PLEKHA7: variants seen among roughly 807,000 people sequenced by gnomAD.
The protein encoded by PLEKHA7 is pleckstrin homology domain containing A7.
PLEKHA7 carries 104 observed loss-of-function variants against 170.0 expected under a neutral mutation model. That is an observed-to-expected ratio of 0.61 (90% confidence interval 0.52 to 0.72). The LOEUF is 0.72. Ranked by LOEUF, PLEKHA7 falls within the 30% of genes least tolerant of loss-of-function variation. PLEKHA7 has a pLI of 0.00. For synonymous variants in PLEKHA7, 648 were observed against 660.8 expected (o/e 0.98, Z 0.30); for missense variants, 1,615 against 1,671.7 (o/e 0.97, Z 0.59).
chr11:16,883,732 G>C (rs1855874677), intron 3 of PLEKHA7, among the ~76,000 whole-genome samples: 1 of 152,038 alleles, frequency 6.6e-6, no homozygotes, highest in African/African-American at 2.4e-5. Flanking sequence ...TAGCACTGAA[G>C]GCTTACACTC....
chr11:16,942,202 G>T (rs1860743604), intron 3 of PLEKHA7, among the ~76,000 whole-genome samples: 1 of 152,214 alleles, frequency 6.6e-6, no homozygotes, highest in Non-Finnish European at 1.5e-5. Flanking sequence ...AACTTGGGGG[G>T]TCAGATTTTG....
At position 16,801,787 on chromosome 11, in the gene PLEKHA7, G is replaced by C. The variant is rs1430110135; in HGVS notation, c.2188C>G (p.His730Asp). 1 of 1,614,120 alleles carries C rather than the reference G, an allele frequency of 6.2e-7. No individual in the cohort carries two copies. Among genetic ancestry groups the C allele is most frequent in the Non-Finnish European group, 8.5e-7 (1 of 1,180,026 alleles). ...DQLESVLEVL[H>D]RQMEQYRDQP... ...TCTCGGTACTGCTCCATCTGTCTGT[G>C]CAACACCTCCAGCACAGATTCTAGC... Residue 730 changes from histidine to aspartate, a missense_variant, in exon 16 of 27, where the codon CAC becomes GAC. By Grantham distance (81) the His-to-Asp change is moderately conservative. Transcript: ENST00000531066.
In PLEKHA7 at chr11:16,881,635, G is replaced by A. The variant is rs571200234; in HGVS notation, c.222-10453C>T. 52 of 152,296 alleles carry A rather than the reference G, an allele frequency of 3.4e-4. 1 individual carries two copies. The highest frequency in any genetic ancestry group is 1.2e-3 in the African/African-American group (51 of 41,522). 9.4% of individuals were successfully genotyped at this position (152,296 alleles called of 1,614,324 possible). A position where few individuals can be genotyped will look rare whatever the true frequency, so the allele number is the denominator to read the frequency against. Reference sequence around the variant, plus strand: ...AATTCTTCCGTTCTTTGAGACCGTGGGGTTGGCTGCCCCTCTAGAACCAGG... The same window carrying A: ...AATTCTTCCGTTCTTTGAGACCGTGAGGTTGGCTGCCCCTCTAGAACCAGG... On this transcript the variant is annotated intron_variant, in intron 3 of 26. Coordinates refer to ENST00000531066, the MANE Select transcript of PLEKHA7 (RefSeq NM_001329630.2).
At chr11:16,879,085 G>A (rs932392556) in intron 3 of PLEKHA7, among the ~76,000 whole-genome samples, 3 of 152,174 alleles carry the variant, frequency 2.0e-5, no homozygotes, top group African/African-American at 4.8e-5. Context: ...ACACACAGAA[G>A]GATAATATAA....
chr11:16,861,853 A>G (rs1198423127), intron 4 of PLEKHA7, among the ~76,000 whole-genome samples: 3 of 152,174 alleles, frequency 2.0e-5, no homozygotes, highest in Non-Finnish European at 2.9e-5. Flanking sequence ...AGGAAAAGTA[A>G]ATGAGAAGAG....
At chr11:16,963,584 G>T (rs561029145) in intron 3 of PLEKHA7, among the ~76,000 whole-genome samples, 72 of 152,256 alleles carry the variant, frequency 4.7e-4, no homozygotes, top group South Asian at 1.9e-3. Context: ...CTGGGGAGAG[G>T]GGCAAGAGGG....
rs544263652 is a variant in PLEKHA7 at position 16,786,840 on chromosome 11, T to G, written c.3358-453A>C. 75 of 985,384 alleles carry G rather than the reference T, an allele frequency of 7.6e-5. No individual in the cohort carries two copies. The African/African-American group carries it at 1.3e-3, about 16-fold the overall frequency. The allele number at this position is 985,384 out of a possible 1,614,324, so 61.0% of individuals were successfully genotyped here. A position where few individuals can be genotyped will look rare whatever the true frequency, so the allele number is the denominator to read the frequency against. On this transcript the variant is annotated intron_variant, in intron 23 of 26. Transcript: ENST00000531066. ...AAGCAAGAAGAATAACCAAGGATCTTTCTATTGGGAATTTTCAACAAGATA... is the reference window on the plus strand; with the variant it reads ...AAGCAAGAAGAATAACCAAGGATCTGTCTATTGGGAATTTTCAACAAGATA...
chr11:16,782,929 T>G (rs1415136450), intron 25 of PLEKHA7, 33 bp from the exon 26 acceptor site: 1 of 1,531,242 alleles, frequency 6.5e-7, no homozygotes, highest in Non-Finnish European at 8.7e-7. Context: ...CCATGGGCCC[T>G]CCTGCCCTGG....
chr11:16,962,338 C>T (rs1222229247), intron 3 of PLEKHA7, among the ~76,000 whole-genome samples: 1 of 152,206 alleles, frequency 6.6e-6, no homozygotes, highest in Non-Finnish European at 1.5e-5. Context: ...CTCTTGGCGA[C>T]CAGTCAATGA....
Position 16,816,920 on chromosome 11 carries a change from G to C in PLEKHA7, c.1746C>G (p.Phe582Leu). 6.2e-7 allele frequency: 1 copy of C among 1,613,928 alleles called. No individual in the cohort carries two copies. Among genetic ancestry groups the C allele is most frequent in the Non-Finnish European group, 8.5e-7 (1 of 1,179,900 alleles). ...DIPPPGPPRV[F>L]PPRRPHTPAE... ...CTGGTGTGTGTGGCCGCCGGGGTGG[G>C]AAGACCCTTGGGGGTCCTGGGGGAG... is the stretch of plus-strand genomic sequence containing the variant. The change falls in exon 11 of 27, where the codon TTC becomes TTG. Residue 582 changes from phenylalanine to leucine, a missense_variant. Physicochemically the swap from Phe to Leu is conservative, Grantham distance 22 (BLOSUM62 0). Coordinates refer to ENST00000531066, the MANE Select transcript of PLEKHA7 (RefSeq NM_001329630.2).
At chr11:16,982,685 G>T (rs1376488179) in intron 3 of PLEKHA7, among the ~76,000 whole-genome samples, 1 of 151,974 alleles carries the variant, frequency 6.6e-6, no homozygotes, top group Non-Finnish European at 1.5e-5. Context: ...TCTGCCACCT[G>T]TGTCCACGAC....
chr11:16,815,534 T>TC (rs1264922704), intron 12 of PLEKHA7, among the ~76,000 whole-genome samples: 1 of 152,216 alleles, frequency 6.6e-6, no homozygotes, highest in Non-Finnish European at 1.5e-5. Context: ...GCTTTTTTTT[T>TC]CTTCTGCTTT....
chr11:16,948,316 T>G (rs1861180257), intron 3 of PLEKHA7, among the ~76,000 whole-genome samples: 1 of 152,210 alleles, frequency 6.6e-6, no homozygotes, highest in African/African-American at 2.4e-5. Context: ...CTGATAGATT[T>G]TAAGTGTTTG....
Position 16,951,294 on chromosome 11 carries a change from T to C in PLEKHA7, c.221+62695A>G, listed in dbSNP as rs113645851. 4.2e-3 allele frequency among the ~76,000 whole-genome samples: 632 copies of C among 152,020 alleles called. 3 individuals carry two copies. Among genetic ancestry groups the C allele is most frequent in the African/African-American group, 0.014 (593 of 41,432 alleles). On this transcript the variant is annotated intron_variant, in intron 3 of 26. Coordinates refer to ENST00000531066, the MANE Select transcript of PLEKHA7 (RefSeq NM_001329630.2). ...GGGGAAGGTGTTCAGTTGACATTAG[T>C]TGAGTGAATAGGGATGGCTGAGAAT...
intron 3 of PLEKHA7, among the ~76,000 whole-genome samples, chr11:16,936,314 A>G (rs1860288402): frequency 7.1e-6 from 1 of 140,650 alleles, no homozygotes; most frequent in African/African-American, 2.6e-5. Flanking sequence ...AGGCAGGAGA[A>G]TTGCTTGAAC....
chr11:16,796,819 C>T (rs1213257805), intron 17 of PLEKHA7, among the ~76,000 whole-genome samples: 1 of 152,048 alleles, frequency 6.6e-6, no homozygotes. Flanking sequence ...CCATGCCTGG[C>T]TAGTTTTTCT....
chr11:16,782,722 T>A, intron 26 of PLEKHA7, 32 bp downstream of exon 26: 2 of 1,534,632 alleles, frequency 1.3e-6, no homozygotes, highest in Non-Finnish European at 1.7e-6. Context: ...TGGGGCAGGA[T>A]CCAGGCCTTG....
At chr11:16,932,278 C>T (rs1387635391) in intron 3 of PLEKHA7, among the ~76,000 whole-genome samples, 5 of 139,498 alleles carry the variant, frequency 3.6e-5, no homozygotes, top group Admixed American at 1.4e-4. Context: ...TTATTCATTC[C>T]TTTTTTTTTT....
chr11:16,989,365 T>G (rs1863905991), intron 3 of PLEKHA7, among the ~76,000 whole-genome samples: 1 of 152,204 alleles, frequency 6.6e-6, no homozygotes, highest in Admixed American at 6.5e-5. Context: ...TTTCCTCAGC[T>G]ACGAAATGAG....
Sources: allele counts gnomAD v4.1 joint callset (sites outside exome capture counted in the v4.1 genomes callset), GRCh38; gene constraint gnomAD v4.1.1; transcripts MANE v1.5; gene names NCBI Gene and HGNC (gene_info 2026-07-23, HGNC 2026-07-21).